Variants in MB21D2 observed in about 807,000 individuals in gnomAD.
MB21D2 encodes Mab-21 domain containing 2.
In MB21D2, 9 loss-of-function variants were observed where a neutral mutation model predicts 33.3. That is an observed-to-expected ratio of 0.27 (90% CI 0.16 to 0.47). The LOEUF is 0.47. Ranked by LOEUF, MB21D2 falls within the 20% of genes least tolerant of loss-of-function variation. The probability of loss-of-function intolerance (pLI) is 0.99; values close to 1 mark genes in which losing one functional copy is unlikely to be tolerated. For missense variants in MB21D2, 540 were observed against 624.6 expected (o/e 0.86, Z 1.44); for synonymous variants, 241 against 236.3 (o/e 1.02, Z -0.18).
At chr3:192,854,739 T>C (rs1211887362) in intron 1 of MB21D2, among the ~76,000 whole-genome samples, 1 of 152,232 alleles carries the variant, frequency 6.6e-6, no homozygotes, top group African/African-American at 2.4e-5. Flanking sequence ...TGGAAGCCAA[T>C]GTCCATCTAC....
chr3:192,878,858 G>A (rs988688044), intron 1 of MB21D2, among the ~76,000 whole-genome samples: 3 of 152,196 alleles, frequency 2.0e-5, no homozygotes, highest in Non-Finnish European at 2.9e-5. Flanking sequence ...CAGCTACTGG[G>A]GAGGCTGAGG....
chr3:192,797,295 CAGG>C lies in MB21D2; in HGVS notation c.*1088_*1090del, dbSNP rs1720542724. On this transcript the variant is annotated 3_prime_UTR_variant, in exon 2 of 2. Transcript: ENST00000392452. ...TCCTGCCAGTTTTTCTCAAAACTCT[CAGG>C]AAGAGTAGAGATTTTACAAAAAAGC... 6.6e-6 allele frequency: 1 copy of C among 152,590 alleles called. No homozygotes were observed. The highest frequency in any genetic ancestry group is 1.9e-4 in the East Asian group (1 of 5,198). The allele number at this position is 152,590 out of a possible 1,614,324, so 9.5% of individuals were successfully genotyped here.
chr3:192,824,013 A>G (rs553451632), intron 1 of MB21D2, among the ~76,000 whole-genome samples: 225 of 152,300 alleles, frequency 1.5e-3, no homozygotes, highest in African/African-American at 5.2e-3. Flanking sequence ...ACAAAAGACA[A>G]TGTCTAGTTT....
chr3:192,876,421 T>C (rs768907131), intron 1 of MB21D2, among the ~76,000 whole-genome samples: 2 of 152,226 alleles, frequency 1.3e-5, no homozygotes, highest in Non-Finnish European at 2.9e-5. Context: ...CTGCTCTTAC[T>C]CCAGTTCAGG....
chr3:192,799,172 G>A lies in MB21D2; in HGVS notation c.690C>T (p.Arg230=), dbSNP rs1720590109. Residue 230 remains arginine (R), a synonymous_variant, in exon 2 of 2, where the codon CGC becomes CGT. Coordinates refer to ENST00000392452, the MANE Select transcript of MB21D2 (RefSeq NM_178496.4). This position sits in a 1 kb window ranked among gnomAD's most constrained non-coding sequence, Gnocchi z 4.1. ...ISIILGVGSS[R]MLYDIVPVVS... is the part of the protein sequence containing the mutation. ...CCACAGGGACAATATCATACAACAT[G>A]CGACTACTCCCTACACCCAGAATGA... 6.2e-7 allele frequency: 1 copy of A among 1,614,058 alleles called. No individual in the cohort carries two copies. Among genetic ancestry groups the A allele is most frequent in the African/African-American group, 1.3e-5 (1 of 74,904 alleles).
chr3:192,834,391 G>A (rs1309122178), intron 1 of MB21D2, among the ~76,000 whole-genome samples: 1 of 144,036 alleles, frequency 6.9e-6, no homozygotes, highest in African/African-American at 2.6e-5. Flanking sequence ...AGGACATGAG[G>A]ACTGAGGAAG....
In MB21D2 at chr3:192,917,525, A is replaced by T; in HGVS notation, c.211+105T>A. On this transcript the variant is annotated intron_variant, in intron 1 of 1. Transcript: ENST00000392452. Reference sequence around the variant, plus strand: ...CTTATACCCAAGGCACCGGCTCGGGAAGGCAACCCAGAAGGGAAGAGGTCG... The same window carrying T: ...CTTATACCCAAGGCACCGGCTCGGGTAGGCAACCCAGAAGGGAAGAGGTCG... 10 of 1,246,562 alleles carry T rather than the reference A, an allele frequency of 8.0e-6. No homozygotes were observed. In the South Asian group the frequency reaches 1.2e-4, roughly 15 times the overall value. 77.2% of individuals were successfully genotyped at this position (1,246,562 alleles called of 1,614,324 possible).
intron 1 of MB21D2, among the ~76,000 whole-genome samples, chr3:192,867,393 T>C (rs1473366290): frequency 6.6e-6 from 1 of 152,118 alleles, no homozygotes; most frequent in Non-Finnish European, 1.5e-5. Flanking sequence ...GTATCTTATT[T>C]GCAAAGAAAA....
intron 1 of MB21D2, among the ~76,000 whole-genome samples, chr3:192,857,543 C>T (rs1303905719): frequency 6.6e-6 from 1 of 152,118 alleles, no homozygotes; most frequent in East Asian, 1.9e-4. Flanking sequence ...TCCCTTTCAG[C>T]GTGCGCATCT....
chr3:192,900,769 T>A (rs190609298), intron 1 of MB21D2, among the ~76,000 whole-genome samples: 1 of 151,764 alleles, frequency 6.6e-6, no homozygotes, highest in East Asian at 2.0e-4. Context: ...GGTGAAACCC[T>A]GTCTCTACTA....
chr3:192,798,501 A>G lies in MB21D2; in HGVS notation c.1361T>C (p.Leu454Ser). The G allele has an allele frequency of 6.2e-7, 1 of 1,614,182 alleles. No individual in the cohort carries two copies. Among genetic ancestry groups the G allele is most frequent in the Non-Finnish European group, 8.5e-7 (1 of 1,180,026 alleles). Reference sequence around the variant, plus strand: ...CACTAGCTGCTGCAGTTTTTTTGCCAAACGGTCATCAGGCTGGTTGGGGTC... The same window carrying G: ...CACTAGCTGCTGCAGTTTTTTTGCCGAACGGTCATCAGGCTGGTTGGGGTC... ...GGDPNQPDDR[L>S]AKKLQQLVTE... The change falls in exon 2 of 2, where the codon TTG (leucine) becomes TCG (serine). Residue 454 changes from leucine to serine, a missense_variant. Leu to Ser is a moderately radical substitution (Grantham distance 145). Coordinates refer to ENST00000392452, the MANE Select transcript of MB21D2 (RefSeq NM_178496.4). The surrounding 1 kb of genome is among the most constrained non-coding windows in gnomAD (Gnocchi z 4.8).
chr3:192,908,454 A>G (rs375327488), intron 1 of MB21D2, among the ~76,000 whole-genome samples: 14 of 149,610 alleles, frequency 9.4e-5, no homozygotes, highest in African/African-American at 3.0e-4. Flanking sequence ...GCTGGAGTAC[A>G]GTGACGCGAT....
At position 192,798,490 on chromosome 3, in the gene MB21D2, GT is replaced by G. The variant is rs34835215; in HGVS notation, c.1371del (p.Lys457AsnfsTer5). ...PNQPDDRLAK[K>X]LQQLVTENPG... ...GGGTTCTCAGTCACTAGCTGCTGCA[GT>G]TTTTTTGCCAAACGGTCATCAGGCT... On this transcript the variant is annotated frameshift_variant, in exon 2 of 2. Transcript: ENST00000392452. LOFTEE classifies it high-confidence loss of function. The surrounding 1 kb of genome is among the most constrained non-coding windows in gnomAD (Gnocchi z 4.8). 1.2e-6 allele frequency: 2 copies of G among 1,614,192 alleles called. No homozygotes were observed. The highest frequency in any genetic ancestry group is 8.5e-7 in the Non-Finnish European group (1 of 1,180,022).
In MB21D2 at chr3:192,815,693, G is replaced by A. The variant is rs1347240228; in HGVS notation, c.212-16043C>T. Among the ~76,000 whole-genome samples, 3 of 152,208 alleles carry A rather than the reference G, an allele frequency of 2.0e-5. No individual in the cohort carries two copies. The East Asian group carries it at 5.8e-4, about 29-fold the overall frequency. ...ATAGTAATTGAGATTCAGGAGGGAT[G>A]TGACAGGTCTCATTCTGTACAATTG... On this transcript the variant is annotated intron_variant, in intron 1 of 1. Transcript: ENST00000392452.
intron 1 of MB21D2, among the ~76,000 whole-genome samples, chr3:192,883,061 T>G (rs1713641858): frequency 6.6e-6 from 1 of 150,908 alleles, no homozygotes; most frequent in Admixed American, 6.6e-5. Context: ...AGAGATGGGG[T>G]TTCACCATGT....
In MB21D2 at chr3:192,827,414, G is replaced by A. The variant is rs1411165387; in HGVS notation, c.212-27764C>T. Among the ~76,000 whole-genome samples the A allele has an allele frequency of 5.3e-5, 8 of 151,974 alleles. 1 individual carries two copies. Among genetic ancestry groups the A allele is most frequent in the Admixed American group, 4.6e-4 (7 of 15,244 alleles). Reference sequence around the variant, plus strand: ...CCCTGGGCTGGCTCACCTCCACGACGGGAACAATGATTGTGAGGGTTTAAG... The same window carrying A: ...CCCTGGGCTGGCTCACCTCCACGACAGGAACAATGATTGTGAGGGTTTAAG... On this transcript the variant is annotated intron_variant, in intron 1 of 1. Coordinates refer to ENST00000392452, the MANE Select transcript of MB21D2 (RefSeq NM_178496.4).
chr3:192,865,031 T>C (rs978613363), intron 1 of MB21D2, among the ~76,000 whole-genome samples: 1 of 152,226 alleles, frequency 6.6e-6, no homozygotes, highest in Non-Finnish European at 1.5e-5. Flanking sequence ...AGATTTTTAA[T>C]TCATTCATTT....
At chr3:192,828,141 T>C (rs972933830) in intron 1 of MB21D2, among the ~76,000 whole-genome samples, 1 of 152,208 alleles carries the variant, frequency 6.6e-6, no homozygotes, top group East Asian at 1.9e-4. Flanking sequence ...TTTTTCTTTA[T>C]AAATTACCCA....
chr3:192,809,472 C>T (rs566918295), intron 1 of MB21D2, among the ~76,000 whole-genome samples: 53 of 152,132 alleles, frequency 3.5e-4, no homozygotes, highest in Non-Finnish European at 6.3e-4. Flanking sequence ...GATAGCTGAC[C>T]TGGGATCCAA....
Sources: allele counts gnomAD v4.1 joint callset (sites outside exome capture counted in the v4.1 genomes callset), GRCh38; gene constraint gnomAD v4.1.1; non-coding constraint Gnocchi (gnomAD v3.1); transcripts MANE v1.5; gene names NCBI Gene and HGNC (gene_info 2026-07-23, HGNC 2026-07-21).